The following RSU1 variants were observed in gnomAD, a reference collection of about 807,000 sequenced individuals.
RSU1 encodes rsu-1.
Under a neutral mutation model 31.1 loss-of-function variants are expected in RSU1, and 26 were observed. The ratio of observed to expected loss-of-function variants is 0.84; its 90% CI spans 0.61 to 1.16. The LOEUF (loss-of-function observed/expected upper bound fraction) is 1.16, where lower values mean the gene tolerates loss of function less well. Ranked by LOEUF, RSU1 falls within the 50% of genes most tolerant of loss-of-function variation. The pLI, the probability that RSU1 is intolerant of heterozygous loss-of-function variation, is 0.00. For missense variants in RSU1, 320 were observed against 339.1 expected (o/e 0.94, Z 0.44); for synonymous variants, 164 against 136.3 (o/e 1.20, Z -1.41).
chr10:16,601,891 C>T (rs772077333), intron 8 of RSU1, among the ~76,000 whole-genome samples: 36 of 152,056 alleles, frequency 2.4e-4, no homozygotes, highest in African/African-American at 7.7e-4. Context: ...CCTCTGCCAT[C>T]GGAACTGGAA....
intron 8 of RSU1, among the ~76,000 whole-genome samples, chr10:16,650,079 A>ATAAT (rs10636118): frequency 0.42 from 63,405 of 151,874 alleles, 14,007 homozygotes; most frequent in African/African-American, 0.56. Context: ...TATTTTGACA[A>ATAAT]TAATTCTCTC....
In RSU1 at chr10:16,783,907, T is replaced by C. The variant is rs577392410; in HGVS notation, c.110-1823A>G. Among the ~76,000 whole-genome samples the C allele has an allele frequency of 5.3e-5, 8 of 152,276 alleles. No homozygotes were observed. In the South Asian group the frequency reaches 1.7e-3, roughly 32 times the overall value. On this transcript the variant is annotated intron_variant, in intron 2 of 8. Transcript: ENST00000345264. Reference sequence around the variant, plus strand: ...TAGCCCCCATTCAAGTTTCTCCAAATGTCCCAATCATTTATTTTAGGGAAG... The same window carrying C: ...TAGCCCCCATTCAAGTTTCTCCAAACGTCCCAATCATTTATTTTAGGGAAG...
chr10:16,785,441 C>CATATATACATATATATAT (rs1295145497), intron 2 of RSU1, among the ~76,000 whole-genome samples: 2 of 137,590 alleles, frequency 1.5e-5, no homozygotes, highest in East Asian at 2.1e-4. Flanking sequence ...TATATATATA[C>CATATATACATATATATAT]ACATATATAC....
chr10:16,772,471 A>G (rs1837440045), intron 3 of RSU1, among the ~76,000 whole-genome samples: 1 of 152,088 alleles, frequency 6.6e-6, no homozygotes, highest in African/African-American at 2.4e-5. Context: ...CCATACATCA[A>G]TAAAGAGCTT....
intron 8 of RSU1, among the ~76,000 whole-genome samples, chr10:16,679,580 G>C (rs562290065): frequency 6.6e-6 from 1 of 152,286 alleles, no homozygotes; most frequent in East Asian, 1.9e-4. Context: ...AAGAATAACT[G>C]GGCATTTAAT....
chr10:16,681,079 A>C (rs1390699236), intron 8 of RSU1, among the ~76,000 whole-genome samples: 1 of 152,210 alleles, frequency 6.6e-6, no homozygotes, highest in Non-Finnish European at 1.5e-5. Flanking sequence ...GGAGAAAAAC[A>C]AAGAGAAAAG....
chr10:16,696,002 T>A (rs1338127347), intron 7 of RSU1, among the ~76,000 whole-genome samples: 1 of 152,206 alleles, frequency 6.6e-6, no homozygotes, highest in Admixed American at 6.5e-5. Context: ...GACTGTTTTT[T>A]TTTCTTTTTG....
chr10:16,808,961 T>G (rs1002601466), intron 2 of RSU1, among the ~76,000 whole-genome samples: 1 of 152,122 alleles, frequency 6.6e-6, no homozygotes, highest in African/African-American at 2.4e-5. Flanking sequence ...GAGAGAGGCC[T>G]CAGGAGCAGC....
intron 8 of RSU1, among the ~76,000 whole-genome samples, chr10:16,674,502 C>G (rs1224083738): frequency 1.3e-5 from 2 of 151,270 alleles, no homozygotes. Flanking sequence ...TCAGAGAGTC[C>G]ACTAGGTGCC....
intron 8 of RSU1, among the ~76,000 whole-genome samples, chr10:16,668,585 G>T (rs748334146): frequency 1.3e-5 from 2 of 152,126 alleles, no homozygotes; most frequent in Non-Finnish European, 2.9e-5. Context: ...TTTGAAATAG[G>T]ATTTAATTGA....
At chr10:16,617,053 T>G (rs957331180) in intron 8 of RSU1, among the ~76,000 whole-genome samples, 3 of 152,212 alleles carry the variant, frequency 2.0e-5, no homozygotes, top group African/African-American at 2.4e-5. Context: ...TTGTCTCTGT[T>G]TGCAGATGAC....
chr10:16,719,451 A>G (rs549533410), intron 7 of RSU1, among the ~76,000 whole-genome samples: 3 of 152,152 alleles, frequency 2.0e-5, no homozygotes, highest in African/African-American at 7.2e-5. Flanking sequence ...GCGCTTCTTC[A>G]CCTACCCAAT....
chr10:16,748,955 T>C (rs7075369), intron 7 of RSU1, among the ~76,000 whole-genome samples: 89 of 152,206 alleles, frequency 5.8e-4, no homozygotes, highest in African/African-American at 2.0e-3. Flanking sequence ...ACATCATCAG[T>C]CACGCGTGTT....
At chr10:16,743,476 T>C (rs1282585615) in intron 7 of RSU1, among the ~76,000 whole-genome samples, 1 of 152,224 alleles carries the variant, frequency 6.6e-6, no homozygotes, top group Non-Finnish European at 1.5e-5. Context: ...AATTACGATA[T>C]TCTGCACAAA....
chr10:16,615,529 T>G (rs1317692561), intron 8 of RSU1, among the ~76,000 whole-genome samples: 1 of 152,168 alleles, frequency 6.6e-6, no homozygotes, highest in Non-Finnish European at 1.5e-5. Flanking sequence ...CTGGATTAAG[T>G]GCACCTAATA....
At chr10:16,613,404 T>G (rs550701967) in intron 8 of RSU1, among the ~76,000 whole-genome samples, 1 of 152,316 alleles carries the variant, frequency 6.6e-6, no homozygotes, top group Admixed American at 6.5e-5. Context: ...CTGTGTGGGT[T>G]CATGCCAAGA....
At chr10:16,665,330 C>T (rs1414904373) in intron 8 of RSU1, among the ~76,000 whole-genome samples, 3 of 152,154 alleles carry the variant, frequency 2.0e-5, no homozygotes, top group African/African-American at 7.2e-5. Context: ...TCTAATTTTA[C>T]AGATGAGATA....
At chr10:16,793,438 G>A (rs1214737084) in intron 2 of RSU1, among the ~76,000 whole-genome samples, 1 of 152,010 alleles carries the variant, frequency 6.6e-6, no homozygotes, top group African/African-American at 2.4e-5. Context: ...CCCATGAGCT[G>A]GTCACTAATT....
rs1833502691 is a variant in RSU1, at chr10:16,591,417, C to G, written c.*1977G>C. ...TCCTAGAAATAAAAATTCTGGGCCC[C>G]AGTACACAATCTTAAGGTTTTGCCA... On this transcript the variant is annotated 3_prime_UTR_variant, in exon 9 of 9. Transcript: ENST00000345264. 6.6e-6 allele frequency: 1 copy of G among 152,122 alleles called. No homozygotes were observed. The highest frequency in any genetic ancestry group is 2.1e-4 in the South Asian group (1 of 4,820). 9.4% of individuals were successfully genotyped at this position (152,122 alleles called of 1,614,324 possible).
Sources: gnomAD v4.1 joint callset for allele counts (sites outside exome capture counted in the v4.1 genomes callset) on GRCh38, gnomAD v4.1.1 for gene constraint, MANE v1.5 for transcripts, NCBI Gene and HGNC (gene_info 2026-07-23, HGNC 2026-07-21) for gene names.